The following BCAS3 variants were observed in gnomAD, a reference collection of about 807,000 sequenced individuals.
BCAS3 encodes the protein BCAS3 microtubule associated cell migration factor.
A neutral mutation model predicts 116.1 loss-of-function variants in BCAS3; 53 were observed. The ratio of observed to expected loss-of-function variants is 0.46; its 90% confidence interval spans 0.37 to 0.57. The LOEUF is 0.57. Ranked by LOEUF, BCAS3 falls within the 20% of genes least tolerant of loss-of-function variation. The pLI is 0.00. For synonymous variants in BCAS3, 391 were observed against 408.2 expected, an observed-to-expected ratio of 0.96 and a Z score of 0.51; for missense variants, 917 against 1,165.4, an observed-to-expected ratio of 0.79 and a Z score of 3.10.
At chr17:61,322,692 A>G (rs1179756838) in intron 22 of BCAS3, among the ~76,000 whole-genome samples, 1 of 151,984 alleles carries the variant, frequency 6.6e-6, no homozygotes, top group Non-Finnish European at 1.5e-5. Context: ...ACAATAAAGA[A>G]CTCCCAGTTA....
At chr17:60,889,509 C>G (rs1024784406) in intron 9 of BCAS3, among the ~76,000 whole-genome samples, 186 bp from the exon 10 acceptor site, 1 of 152,068 alleles carries the variant, frequency 6.6e-6, no homozygotes, top group African/African-American at 2.4e-5. Context: ...CAAAAGGAAA[C>G]TAAATAGAGG....
In BCAS3 at chr17:61,087,280, A is replaced by AT; in HGVS notation, c.2425+2718dup. 1.1e-6 allele frequency: 1 copy of AT among 893,352 alleles called. No homozygotes were observed. The highest frequency in any genetic ancestry group is 1.3e-6 in the Non-Finnish European group (1 of 746,224). The allele number at this position is 893,352 out of a possible 1,614,324, so 55.3% of individuals were successfully genotyped here. A position where few individuals can be genotyped will look rare whatever the true frequency, so the allele number is the denominator to read the frequency against. On this transcript the variant is annotated intron_variant, in intron 22 of 23. Coordinates refer to ENST00000407086, the MANE Select transcript of BCAS3 (RefSeq NM_017679.5). The surrounding 1 kb of genome is among the most constrained non-coding windows in gnomAD (Gnocchi z 4.6). ...CCTCTGTTGGTCTTCATTGCCCTGTATTACCTTCAAGCATTTTATATGACT... is the reference window on the plus strand; with the variant it reads ...CCTCTGTTGGTCTTCATTGCCCTGTATTTACCTTCAAGCATTTTATATGACT...
chr17:60,689,755 T>A lies in BCAS3; in HGVS notation c.208T>A (p.Leu70Ile), dbSNP rs575831594. The A allele has an allele frequency of 3.8e-6, 6 of 1,599,404 alleles. No individual in the cohort carries two copies. In the African/African-American group the frequency reaches 6.7e-5, roughly 18 times the overall value. ...CTGGGTCAGATTTGAAAATGCAGATTTAAATGGTATGGTTTTAACTTTTTT... is the reference window on the plus strand; with the variant it reads ...CTGGGTCAGATTTGAAAATGCAGATATAAATGGTATGGTTTTAACTTTTTT... ...IVWVRFENAD[L>I]NDTSRNLEFH... The change falls in exon 4 of 24, where the codon TTA becomes ATA. Residue 70 changes from leucine to isoleucine, a missense_variant. By Grantham distance (5) the Leu-to-Ile change is conservative. Coordinates refer to ENST00000407086, the MANE Select transcript of BCAS3 (RefSeq NM_017679.5).
chr17:61,383,648 T>G, intron 23 of BCAS3: 1 of 152,370 alleles, frequency 6.6e-6, no homozygotes, highest in Non-Finnish European at 1.5e-5. Context: ...AGCACAGGCC[T>G]TTGCCTTTGC....
At chr17:60,739,367 C>G (rs2041298146) in intron 5 of BCAS3, among the ~76,000 whole-genome samples, 1 of 152,104 alleles carries the variant, frequency 6.6e-6, no homozygotes, top group Non-Finnish European at 1.5e-5. Flanking sequence ...TGCCTGTAAT[C>G]CCAGCACTTT....
chr17:61,031,351 A>ATCACAAAATTGT (rs1284597666), intron 16 of BCAS3, among the ~76,000 whole-genome samples: 1 of 152,034 alleles, frequency 6.6e-6, no homozygotes, highest in Non-Finnish European at 1.5e-5. Flanking sequence ...GAAATATTCT[A>ATCACAAAATTGT]GGTCATTGTG....
intron 14 of BCAS3, among the ~76,000 whole-genome samples, chr17:60,976,337 A>G (rs989843471): frequency 6.6e-6 from 1 of 150,614 alleles, no homozygotes; most frequent in Non-Finnish European, 1.5e-5. Context: ...AGGTTTTTGT[A>G]TGAACGTATG....
chr17:61,032,666 G>A lies in BCAS3; in HGVS notation c.1638-2000G>A, dbSNP rs1400735001. 6.6e-6 allele frequency among the ~76,000 whole-genome samples: 1 copy of A among 152,086 alleles called. No homozygotes were observed. Among genetic ancestry groups the A allele is most frequent in the African/African-American group, 2.4e-5 (1 of 41,414 alleles). Reference sequence around the variant, plus strand: ...AGGGCAGAGAAGAGTCTTCCTTTCTGGAGGTATGTTACTACAGTTGTGACA... The same window carrying A: ...AGGGCAGAGAAGAGTCTTCCTTTCTAGAGGTATGTTACTACAGTTGTGACA... On this transcript the variant is annotated intron_variant, in intron 16 of 23. Transcript: ENST00000407086. The surrounding 1 kb of genome is among the most constrained non-coding windows in gnomAD (Gnocchi z 4.6).
chr17:61,290,718 A>T (rs1245190815), intron 22 of BCAS3, among the ~76,000 whole-genome samples: 1 of 151,990 alleles, frequency 6.6e-6, no homozygotes, highest in Non-Finnish European at 1.5e-5. Context: ...GGATTCCATC[A>T]TTAAGAGCCC....
intron 22 of BCAS3, among the ~76,000 whole-genome samples, chr17:61,185,337 A>G (rs2079705183): frequency 6.6e-6 from 1 of 152,198 alleles, no homozygotes; most frequent in Non-Finnish European, 1.5e-5. Context: ...ATAAGCCTCT[A>G]CTTCAGCCAA....
rs1405284752 is a variant in BCAS3 at position 61,352,156 on chromosome 17, C to A, written c.2426-16171C>A. ...TTAATTCCTTCGTTCAGCTGTTAGC[C>A]CTAACTCAGAGTTAGATGACAGGTC... is the stretch of plus-strand genomic sequence containing the variant. On this transcript the variant is annotated intron_variant, in intron 22 of 23. Transcript: ENST00000407086. This position sits in a 1 kb window ranked among gnomAD's most constrained non-coding sequence, Gnocchi z 4.7. Among the ~76,000 whole-genome samples the A allele has an allele frequency of 1.3e-5, 2 of 152,158 alleles. No homozygotes were observed. The highest frequency in any genetic ancestry group is 2.9e-5 in the Non-Finnish European group (2 of 68,030).
chr17:61,234,955 T>C (rs562972073), intron 22 of BCAS3, among the ~76,000 whole-genome samples: 1 of 152,266 alleles, frequency 6.6e-6, no homozygotes, highest in East Asian at 1.9e-4. Flanking sequence ...TGGCATGATC[T>C]CGGCTCACTG....
At chr17:61,173,978 C>T (rs1180037704) in intron 22 of BCAS3, among the ~76,000 whole-genome samples, 1 of 152,084 alleles carries the variant, frequency 6.6e-6, no homozygotes, top group East Asian at 1.9e-4. Context: ...AACACCAATA[C>T]TATAATCCAT....
chr17:61,316,219 T>C lies in BCAS3; in HGVS notation c.2426-52108T>C, dbSNP rs1484785776. Among the ~76,000 whole-genome samples the C allele has an allele frequency of 6.6e-6, 1 of 152,000 alleles. No individual in the cohort carries two copies. The highest frequency in any genetic ancestry group is 2.4e-5 in the African/African-American group (1 of 41,372). ...TACTCAGGAGGCTGTGGCAGGAGAATCACCTGAGTCCAGGAGGTGGAGGCT... is the reference window on the plus strand; with the variant it reads ...TACTCAGGAGGCTGTGGCAGGAGAACCACCTGAGTCCAGGAGGTGGAGGCT... On this transcript the variant is annotated intron_variant, in intron 22 of 23. Coordinates refer to ENST00000407086, the MANE Select transcript of BCAS3 (RefSeq NM_017679.5). This position sits in a 1 kb window ranked among gnomAD's most constrained non-coding sequence, Gnocchi z 5.8.
intron 22 of BCAS3, among the ~76,000 whole-genome samples, chr17:61,225,420 C>T (rs1372502633): frequency 6.6e-6 from 1 of 152,150 alleles, no homozygotes; most frequent in East Asian, 1.9e-4. Flanking sequence ...TACACTTCCC[C>T]TCCAAAGATT....
rs1378262980 is a variant in BCAS3, at chr17:61,012,923, T to C, written c.1487-2828T>C. On this transcript the variant is annotated intron_variant, in intron 15 of 23. Transcript: ENST00000407086. The surrounding 1 kb of genome is among the most constrained non-coding windows in gnomAD (Gnocchi z 4.5). ...CGCTGAAGAACTTAACCTAAGTTCC[T>C]ACTCCTCTGGCTCAATTGAGAGGTC... 6.6e-6 allele frequency among the ~76,000 whole-genome samples: 1 copy of C among 152,070 alleles called. No individual in the cohort carries two copies. Among genetic ancestry groups the C allele is most frequent in the African/African-American group, 2.4e-5 (1 of 41,436 alleles).
chr17:60,833,361 G>T (rs6503999), intron 7 of BCAS3, among the ~76,000 whole-genome samples: 1 of 151,978 alleles, frequency 6.6e-6, no homozygotes. Flanking sequence ...ATTTATTTTG[G>T]CAGTCTTTTA....
intron 22 of BCAS3, among the ~76,000 whole-genome samples, chr17:61,111,368 A>C (rs1207821668): frequency 1.3e-5 from 2 of 149,678 alleles, no homozygotes; most frequent in African/African-American, 4.9e-5. Flanking sequence ...TAACTAGAAT[A>C]ACCAATACAG....
rs1345446347 is a variant in BCAS3, at chr17:61,377,962, G to T, written c.2593+9468G>T. ...GGTCTGAAGGGTTGGAGTTTTATCAGTTATTCTCACCTTTTATTCAGAATA... is the reference window on the plus strand; with the variant it reads ...GGTCTGAAGGGTTGGAGTTTTATCATTTATTCTCACCTTTTATTCAGAATA... On this transcript the variant is annotated intron_variant, in intron 23 of 23. Transcript: ENST00000407086. The surrounding 1 kb of genome is among the most constrained non-coding windows in gnomAD (Gnocchi z 4.6). 1 of 152,166 alleles carries T rather than the reference G, an allele frequency of 6.6e-6. No individual in the cohort carries two copies. The highest frequency in any genetic ancestry group is 2.4e-5 in the African/African-American group (1 of 41,434). 9.4% of individuals were successfully genotyped at this position (152,166 alleles called of 1,614,324 possible). A position where few individuals can be genotyped will look rare whatever the true frequency, so the allele number is the denominator to read the frequency against.
Sources: allele counts gnomAD v4.1 joint callset (sites outside exome capture counted in the v4.1 genomes callset), GRCh38; gene constraint gnomAD v4.1.1; non-coding constraint Gnocchi (gnomAD v3.1); transcripts MANE v1.5; gene names NCBI Gene and HGNC (gene_info 2026-07-23, HGNC 2026-07-21).